Variants in TNRC6A observed in about 807,000 individuals in gnomAD.
TNRC6A encodes trinucleotide repeat containing adaptor 6A, also known as trinucleotide repeat-containing gene 6A protein.
A neutral mutation model predicts 221.2 loss-of-function variants in TNRC6A; 44 were observed. The ratio of observed to expected loss-of-function variants is 0.20; its 90% CI spans 0.16 to 0.26. The LOEUF (loss-of-function observed/expected upper bound fraction) is 0.26, where lower values mean the gene tolerates loss of function less well. Ranked by LOEUF, TNRC6A falls within the 10% of genes least tolerant of loss-of-function variation. The probability of loss-of-function intolerance (pLI) is 1.00; values close to 1 mark genes in which losing one functional copy is unlikely to be tolerated. For synonymous variants in TNRC6A, 847 were observed against 838.5 expected (o/e 1.01, Z -0.18); for missense variants, 2,199 against 2,404.4 (o/e 0.91, Z 1.79).
At chr16:24,715,738 C>G (rs1294857841) in intron 2 of TNRC6A, among the ~76,000 whole-genome samples, 1 of 151,786 alleles carries the variant, frequency 6.6e-6, no homozygotes, top group Non-Finnish European at 1.5e-5. Flanking sequence ...CTGCTTCTGC[C>G]TCCCAAGTAG....
rs571186363 is a variant in TNRC6A at position 24,780,103 on chromosome 16, CA to C, written c.589+2747del. On this transcript the variant is annotated intron_variant, in intron 5 of 24. Transcript: ENST00000395799. ...GGGGGATGACTAGGCTCAACAGGAG[CA>C]ATATTGTTCTTATAGGCCAAAGTGT... is the stretch of plus-strand genomic sequence containing the variant. 2.5e-4 allele frequency among the ~76,000 whole-genome samples: 38 copies of C among 152,230 alleles called. 1 individual carries two copies. The South Asian group carries it at 7.5e-3, about 30-fold the overall frequency.
intron 2 of TNRC6A, among the ~76,000 whole-genome samples, chr16:24,667,594 T>C (rs1374202788): frequency 1.3e-5 from 2 of 152,306 alleles, no homozygotes; most frequent in Admixed American, 1.3e-4. Context: ...CTGGGAAAAG[T>C]ACTGAACCTC....
intron 2 of TNRC6A, 124 bp downstream of exon 2, chr16:24,730,424 C>G: frequency 9.1e-7 from 1 of 1,100,374 alleles, no homozygotes; most frequent in Non-Finnish European, 1.3e-6. Context: ...AGCAGACATT[C>G]GGGAGAAGCG....
rs578221359 is a variant in TNRC6A, at chr16:24,680,753, G to T, written n.402+39744G>T. Among the ~76,000 whole-genome samples, 7 of 150,480 alleles carry T rather than the reference G, an allele frequency of 4.7e-5. No individual in the cohort carries two copies. In the East Asian group the frequency reaches 1.4e-3, roughly 29 times the overall value. On this transcript the variant is annotated intron_variant and non_coding_transcript_variant, in intron 2 of 2. Transcript: ENST00000566108. ...AAGGAACTATTATTTATTAGGAAGC[G>T]TTTTTTTGTTTGTTTGTTTGTTTTT...
chr16:24,821,048 A>T (rs946953050), intron 22 of TNRC6A, among the ~76,000 whole-genome samples: 1 of 152,244 alleles, frequency 6.6e-6, no homozygotes, highest in African/African-American at 2.4e-5. Flanking sequence ...TTCTGATTAA[A>T]TATGTAATTT....
At chr16:24,715,329 C>T (rs2056292383) in intron 2 of TNRC6A, among the ~76,000 whole-genome samples, 1 of 152,126 alleles carries the variant, frequency 6.6e-6, no homozygotes, top group Non-Finnish European at 1.5e-5. Flanking sequence ...CCTGCCTCAG[C>T]CTCCCAAATT....
Position 24,792,220 on chromosome 16 carries a change from AT to A in TNRC6A, c.3175+414del, listed in dbSNP as rs59536143. Among the ~76,000 whole-genome samples, 92 of 148,418 alleles carry A rather than the reference AT, an allele frequency of 6.2e-4. 1 individual carries two copies. The highest frequency in any genetic ancestry group is 8.4e-4 in the African/African-American group (34 of 40,642). ...GGTTGTATATTTGGCTTTAGAAGGG[AT>A]TTTTTTTTTTAAGTAGGTGAGAAAT... On this transcript the variant is annotated intron_variant, in intron 6 of 24. Transcript: ENST00000395799.
intron 2 of TNRC6A, among the ~76,000 whole-genome samples, chr16:24,666,538 G>A (rs913016292): frequency 6.8e-6 from 1 of 146,518 alleles, no homozygotes; most frequent in South Asian, 2.2e-4. Flanking sequence ...TACTCAGGAG[G>A]TTGAGGTGGA....
intron 23 of TNRC6A, 70 bp downstream of exon 23, chr16:24,822,217 A>C: frequency 6.7e-7 from 1 of 1,492,902 alleles, no homozygotes; most frequent in Non-Finnish European, 9.3e-7. Flanking sequence ...TCGGGTCTGT[A>C]TGTGAGACAA....
At chr16:24,746,460 G>T (rs899208909) in intron 2 of TNRC6A, among the ~76,000 whole-genome samples, 2 of 152,076 alleles carry the variant, frequency 1.3e-5, no homozygotes, top group Non-Finnish European at 2.9e-5. Context: ...ATTGGGAGCT[G>T]GTTCTGTACA....
At chr16:24,758,389 C>A in intron 4 of TNRC6A, 29 bp downstream of exon 4, 2 of 1,606,734 alleles carry the variant, frequency 1.2e-6, no homozygotes, top group South Asian at 2.2e-5. Flanking sequence ...TTTTTTATCC[C>A]TTTTTTCATT....
intron 2 of TNRC6A, among the ~76,000 whole-genome samples, chr16:24,714,861 G>C (rs1285562674): frequency 6.7e-6 from 1 of 149,500 alleles, no homozygotes; most frequent in Non-Finnish European, 1.5e-5. Flanking sequence ...TGCTTATCTG[G>C]TACATTGTAG....
chr16:24,689,142 G>A (rs2055699570), intron 2 of TNRC6A, among the ~76,000 whole-genome samples: 2 of 152,276 alleles, frequency 1.3e-5, no homozygotes, highest in South Asian at 2.1e-4. Context: ...TGGTGTAAAC[G>A]TAACGAACTA....
At chr16:24,817,052 G>T in intron 20 of TNRC6A, 96 bp downstream of exon 20, 11 of 1,269,584 alleles carry the variant, frequency 8.7e-6, no homozygotes, top group Non-Finnish European at 1.1e-5. Context: ...CTGAGCCCAG[G>T]GTACTCTGGG....
chr16:24,621,700 T>G (rs1164318475), intron 1 of TNRC6A, among the ~76,000 whole-genome samples: 2 of 152,146 alleles, frequency 1.3e-5, no homozygotes, highest in Non-Finnish European at 2.9e-5. Flanking sequence ...TGTTTATATG[T>G]GTAACGTGTG....
chr16:24,660,198 C>T (rs535391666), intron 2 of TNRC6A, among the ~76,000 whole-genome samples: 35 of 152,138 alleles, frequency 2.3e-4, no homozygotes, highest in African/African-American at 8.2e-4. Context: ...ATACACTGAA[C>T]CCAGTTTGTA....
rs549813743 is a variant in TNRC6A at position 24,800,108 on chromosome 16, G to A, written c.3694+2142G>A. On this transcript the variant is annotated intron_variant, in intron 11 of 24. Transcript: ENST00000395799. ...CTTCCAGGGCAGTGGAGCCATTGTT[G>A]CGGTTTTTGTTGGAAGCGTTTTCTC... Among the ~76,000 whole-genome samples the A allele has an allele frequency of 1.3e-3, 202 of 152,270 alleles. 1 individual carries two copies. Among genetic ancestry groups the A allele is most frequent in the Middle Eastern group, 3.4e-3 (1 of 294 alleles).
At chr16:24,726,585 T>C (rs1224902082), upstream of TNRC6A, among the ~76,000 whole-genome samples, 1 of 152,054 alleles carries the variant, frequency 6.6e-6, no homozygotes. Flanking sequence ...GGGATGGGGA[T>C]ATCAGGTTAA....
chr16:24,702,163 CTTTTCTT>C (rs1360444750), intron 2 of TNRC6A, among the ~76,000 whole-genome samples: 18 of 53,716 alleles, frequency 3.4e-4, no homozygotes, highest in Admixed American at 8.4e-4. Flanking sequence ...ACTCTTTTTT[CTTTTCTT>C]TTTTCTTTTT....
Sources: gnomAD v4.1 joint callset for allele counts (sites outside exome capture counted in the v4.1 genomes callset) on GRCh38, gnomAD v4.1.1 for gene constraint, MANE v1.5 for transcripts, NCBI Gene and HGNC (gene_info 2026-07-23, HGNC 2026-07-21) for gene names.